DIAPH3: variants seen among roughly 807,000 people sequenced by gnomAD.
DIAPH3 encodes the protein diaphanous related formin 3.
In DIAPH3, 117 loss-of-function variants were observed where a neutral mutation model predicts 144.3. That is an observed-to-expected ratio of 0.81 (90% CI 0.70 to 0.95). DIAPH3 has a LOEUF of 0.95. DIAPH3 is among the 40% of genes least tolerant of loss of function. The pLI is 0.00. For synonymous variants in DIAPH3, 519 were observed against 488.9 expected, an observed-to-expected ratio of 1.06 and a Z score of -0.81; for missense variants, 1,421 against 1,412.7, an observed-to-expected ratio of 1.01 and a Z score of -0.09.
chr13:59,846,469 T>C (rs569364271), intron 22 of DIAPH3, among the ~76,000 whole-genome samples: 3 of 152,316 alleles, frequency 2.0e-5, no homozygotes, highest in South Asian at 4.1e-4. Flanking sequence ...CAAAATTATT[T>C]AGTTTCAGGC....
intron 20 of DIAPH3, among the ~76,000 whole-genome samples, chr13:59,891,252 C>T (rs1182748432): frequency 2.0e-5 from 3 of 151,930 alleles, no homozygotes; most frequent in Non-Finnish European, 4.4e-5. Context: ...TTGCTTATAA[C>T]TACAAAATGC....
chr13:59,922,697 G>A (rs924594279), intron 18 of DIAPH3, among the ~76,000 whole-genome samples: 1 of 152,032 alleles, frequency 6.6e-6, no homozygotes, highest in African/African-American at 2.4e-5. Context: ...TCAGAGAGGA[G>A]AAGAATAATC....
intron 27 of DIAPH3, among the ~76,000 whole-genome samples, chr13:59,686,033 G>A (rs1487462540): frequency 6.6e-6 from 1 of 152,074 alleles, no homozygotes; most frequent in Non-Finnish European, 1.5e-5. Flanking sequence ...GTGACTCTGT[G>A]TATTTAGACT....
chr13:60,008,782 C>A, intron 8 of DIAPH3, 133 bp from the exon 9 acceptor site: 1 of 695,884 alleles, frequency 1.4e-6, no homozygotes, highest in South Asian at 1.6e-5. Flanking sequence ...TGAGTACATA[C>A]CATGTATCAA....
chr13:60,053,721 G>A (rs1353969574), intron 4 of DIAPH3, among the ~76,000 whole-genome samples: 1 of 151,864 alleles, frequency 6.6e-6, no homozygotes, highest in African/African-American at 2.4e-5. Context: ...CTCATTGTTT[G>A]CTTTATTCAA....
chr13:59,688,876 A>G (rs1031533737), intron 27 of DIAPH3, among the ~76,000 whole-genome samples: 1 of 152,102 alleles, frequency 6.6e-6, no homozygotes, highest in African/African-American at 2.4e-5. Flanking sequence ...TGAATATATG[A>G]AGACAATGAA....
chr13:59,784,036 T>C (rs2038893502), intron 25 of DIAPH3, among the ~76,000 whole-genome samples: 1 of 152,234 alleles, frequency 6.6e-6, no homozygotes, highest in South Asian at 2.1e-4. Context: ...TACTTTCCAC[T>C]GTCTCCTGAC....
At chr13:59,814,043 C>T (rs747619909) in intron 24 of DIAPH3, among the ~76,000 whole-genome samples, 4 of 151,938 alleles carry the variant, frequency 2.6e-5, no homozygotes, top group Non-Finnish European at 5.9e-5. Flanking sequence ...AATGAAAATT[C>T]TATTTCTTGC....
At chr13:59,678,694 T>C (rs2032773804) in intron 27 of DIAPH3, among the ~76,000 whole-genome samples, 1 of 146,976 alleles carries the variant, frequency 6.8e-6, no homozygotes, top group Admixed American at 6.6e-5. Flanking sequence ...ATTTTGTTGT[T>C]AAATTTTTCA....
In DIAPH3 at chr13:60,132,965, C is replaced by A; in HGVS notation, c.205G>T (p.Asp69Tyr). Residue 69 changes from aspartate (D) to tyrosine (Y), a missense_variant, in exon 2 of 28, where the codon GAT becomes TAT. Transcript: ENST00000400324. The stretch of plus-strand genomic sequence containing the variant: ...GTTGAGGATAATCTTACCATATCAT[C>A]CGTCAGTGTCCTAATATTTAAATGC... Reference protein sequence around the residue: ...KFHLNIRTLTDDMLDKFASIR... With the variant: ...KFHLNIRTLTYDMLDKFASIR... 1.9e-6 allele frequency: 3 copies of A among 1,606,986 alleles called. No individual in the cohort carries two copies. The South Asian group carries it at 3.3e-5, about 18-fold the overall frequency.
chr13:60,084,290 G>C (rs758029262), intron 4 of DIAPH3, among the ~76,000 whole-genome samples: 1 of 151,946 alleles, frequency 6.6e-6, no homozygotes, highest in Non-Finnish European at 1.5e-5. Context: ...AATTCATTAA[G>C]CTACACATCT....
chr13:59,760,396 T>C (rs527387133), intron 27 of DIAPH3, among the ~76,000 whole-genome samples: 2 of 152,322 alleles, frequency 1.3e-5, no homozygotes, highest in South Asian at 2.1e-4. Flanking sequence ...ATTAATAAGA[T>C]GTGAGTAATA....
intron 1 of DIAPH3, among the ~76,000 whole-genome samples, chr13:60,138,615 G>A (rs979491854): frequency 6.6e-6 from 1 of 152,162 alleles, no homozygotes; most frequent in African/African-American, 2.4e-5. Flanking sequence ...TTATTTAAAT[G>A]CTTAGTCTAA....
chr13:59,935,189 C>A (rs2048206316), intron 17 of DIAPH3, among the ~76,000 whole-genome samples: 1 of 152,120 alleles, frequency 6.6e-6, no homozygotes, highest in Admixed American at 6.5e-5. Context: ...TATGCAAGGT[C>A]AACTGCAGGC....
intron 27 of DIAPH3, among the ~76,000 whole-genome samples, chr13:59,748,114 G>A (rs7985860): frequency 0.34 from 52,312 of 152,062 alleles, 9,461 homozygotes; most frequent in African/African-American, 0.45. Flanking sequence ...CTGGAACAAC[G>A]TTGGTAGAGT....
At chr13:59,669,016 C>T (rs558147511) in intron 27 of DIAPH3, among the ~76,000 whole-genome samples, 7 of 152,160 alleles carry the variant, frequency 4.6e-5, no homozygotes, top group African/African-American at 7.2e-5. Flanking sequence ...CGGTGGTAGA[C>T]GCCAAATGCT....
At chr13:59,877,997 CATA>C (rs2044741056) in intron 21 of DIAPH3, among the ~76,000 whole-genome samples, 1 of 152,106 alleles carries the variant, frequency 6.6e-6, no homozygotes, top group Admixed American at 6.6e-5. Context: ...ACTCTGCTGC[CATA>C]ACTTTTAGTA....
At chr13:59,708,869 T>C (rs2034571640) in intron 27 of DIAPH3, among the ~76,000 whole-genome samples, 1 of 152,134 alleles carries the variant, frequency 6.6e-6, no homozygotes, top group African/African-American at 2.4e-5. Flanking sequence ...CTATTTATTC[T>C]GGATTTTAAA....
chr13:59,721,618 T>G (rs342578), intron 27 of DIAPH3, among the ~76,000 whole-genome samples: 92,418 of 152,048 alleles, frequency 0.61, 28,511 homozygotes, highest in East Asian at 0.7. Context: ...CCTATAAATA[T>G]TTGTGGATTG....
Sources: allele counts gnomAD v4.1 joint callset (sites outside exome capture counted in the v4.1 genomes callset), GRCh38; gene constraint gnomAD v4.1.1; transcripts MANE v1.5; gene names NCBI Gene and HGNC (gene_info 2026-07-23, HGNC 2026-07-21).